Variants in DNAJC11 observed in about 807,000 individuals in gnomAD.
The protein encoded by DNAJC11 is dnaJ homolog subfamily C member 11.
In DNAJC11, 15 loss-of-function variants were observed where a neutral mutation model predicts 78.6. That is an observed-to-expected ratio of 0.19 (90% CI 0.13 to 0.29). The LOEUF (loss-of-function observed/expected upper bound fraction) is 0.29, where lower values mean the gene tolerates loss of function less well. Among genes scored for constraint, DNAJC11 ranks in the 10% least tolerant of loss-of-function variants. The pLI is 1.00. For missense variants in DNAJC11, 547 were observed against 709.6 expected, an observed-to-expected ratio of 0.77 and a Z score of 2.60; for synonymous variants, 292 against 272.1, an observed-to-expected ratio of 1.07 and a Z score of -0.72.
chr1:6,660,539 G>A (rs1260088811), intron 4 of DNAJC11, among the ~76,000 whole-genome samples: 1 of 152,106 alleles, frequency 6.6e-6, no homozygotes, highest in East Asian at 1.9e-4. Flanking sequence ...GGATTAGGTT[G>A]TCTGTTTTAT....
intron 7 of DNAJC11, chr1:6,651,215 G>A: frequency 1.7e-6 from 1 of 595,252 alleles, no homozygotes; most frequent in Non-Finnish European, 3.3e-6. Context: ...GTCTGTAAGT[G>A]TTTCGGTCCA....
At chr1:6,692,251 C>T (rs528639419) in intron 1 of DNAJC11, among the ~76,000 whole-genome samples, 93 of 152,240 alleles carry the variant, frequency 6.1e-4, no homozygotes, top group African/African-American at 2.0e-3. Context: ...GAAATGTAAC[C>T]TCACGTTTGC....
In DNAJC11 at chr1:6,653,215, T is replaced by C. The variant is rs144311159; in HGVS notation, c.508-264A>G. Among the ~76,000 whole-genome samples, 644 of 152,308 alleles carry C rather than the reference T, an allele frequency of 4.2e-3. 4 individuals are homozygous for C. Among genetic ancestry groups the C allele is most frequent in the African/African-American group, 0.015 (620 of 41,580 alleles). On this transcript the variant is annotated intron_variant, in intron 5 of 15. Coordinates refer to ENST00000377577, the MANE Select transcript of DNAJC11 (RefSeq NM_018198.4). The surrounding 1 kb of genome is among the most constrained non-coding windows in gnomAD (Gnocchi z 4.5). ...ACACCAGGGGAAACATGGGGCTGCA[T>C]GTCCCAATGGTATCAGATAGCACAG...
At chr1:6,642,020 C>T (rs1641885834) in intron 10 of DNAJC11, among the ~76,000 whole-genome samples, 1 of 152,094 alleles carries the variant, frequency 6.6e-6, no homozygotes. Flanking sequence ...GAGCAGACAG[C>T]AGATACTTAC....
rs2148733533 is a variant in DNAJC11, at chr1:6,652,817, A to T, written c.630+12T>A. ...GCACAGACAACACAACTCAGCCAAT[A>T]GACATTCTTACCTCTCCCCATCCCT... On this transcript the variant is annotated intron_variant, in intron 6 of 15. Coordinates refer to ENST00000377577, the MANE Select transcript of DNAJC11 (RefSeq NM_018198.4). 6.2e-7 allele frequency: 1 copy of T among 1,614,024 alleles called. No individual in the cohort carries two copies. Among genetic ancestry groups the T allele is most frequent in the East Asian group, 2.2e-5 (1 of 44,880 alleles).
intron 1 of DNAJC11, among the ~76,000 whole-genome samples, chr1:6,699,155 C>T (rs1183811039): frequency 6.6e-6 from 1 of 151,444 alleles, no homozygotes; most frequent in Non-Finnish European, 1.5e-5. Flanking sequence ...CAAAAATTAG[C>T]TGGGTATGGT....
intron 1 of DNAJC11, among the ~76,000 whole-genome samples, chr1:6,681,880 G>A (rs201578323): frequency 1.3e-5 from 2 of 152,190 alleles, no homozygotes; most frequent in Middle Eastern, 6.8e-3. Flanking sequence ...AGGCTATTTT[G>A]GCCTATCAGG....
At chr1:6,684,109 T>TTC (rs1642598152) in intron 1 of DNAJC11, among the ~76,000 whole-genome samples, 1 of 151,700 alleles carries the variant, frequency 6.6e-6, no homozygotes, top group South Asian at 2.1e-4. Context: ...GAGATGGAGT[T>TTC]TCACTCTGCC....
intron 3 of DNAJC11, among the ~76,000 whole-genome samples, chr1:6,674,543 G>A (rs1022215825): frequency 2.0e-5 from 3 of 152,156 alleles, no homozygotes; most frequent in Admixed American, 6.6e-5. Context: ...CTGGGCAACA[G>A]AGCAAGACTC....
chr1:6,662,141 T>G (rs112139443), intron 4 of DNAJC11, among the ~76,000 whole-genome samples: 159 of 145,222 alleles, frequency 1.1e-3, no homozygotes, highest in African/African-American at 3.8e-3. Flanking sequence ...TTTTGTTTTT[T>G]TTTTTTGTAG....
chr1:6,647,016 G>A (rs1641975949), intron 7 of DNAJC11, among the ~76,000 whole-genome samples: 1 of 151,334 alleles, frequency 6.6e-6, no homozygotes, highest in Non-Finnish European at 1.5e-5. Context: ...AATTAGCCAG[G>A]TGTAGCGGCA....
intron 1 of DNAJC11, among the ~76,000 whole-genome samples, chr1:6,698,037 G>A (rs561851924): frequency 2.6e-5 from 4 of 152,128 alleles, no homozygotes; most frequent in Admixed American, 2.0e-4. Context: ...TGATCCGCCC[G>A]TCTTGGCCTC....
chr1:6,634,492 C>A lies in DNAJC11; in HGVS notation c.*1183G>T. The A allele has an allele frequency of 7.5e-7, 1 of 1,337,604 alleles. No individual in the cohort carries two copies. Among genetic ancestry groups the A allele is most frequent in the Non-Finnish European group, 9.9e-7 (1 of 1,007,606 alleles). 82.9% of individuals were successfully genotyped at this position (1,337,604 alleles called of 1,614,324 possible). On this transcript the variant is annotated 3_prime_UTR_variant, in exon 16 of 16. Coordinates refer to ENST00000377577, the MANE Select transcript of DNAJC11 (RefSeq NM_018198.4). ...GCAACAGCTGTGGGTGGGCTGGAGG[C>A]CGGCGCAGCTTGGGGCCCCCCGCGC...
intron 7 of DNAJC11, among the ~76,000 whole-genome samples, chr1:6,646,531 A>AT (rs1366186301): frequency 2.0e-5 from 3 of 152,088 alleles, no homozygotes; most frequent in Non-Finnish European, 4.4e-5. Flanking sequence ...TGGAACCAGA[A>AT]TTTCTGGGTG....
At chr1:6,651,246 G>A in intron 7 of DNAJC11, 2 of 632,726 alleles carry the variant, frequency 3.2e-6, no homozygotes, top group Admixed American at 1.8e-5. Context: ...CTCCCTGAAG[G>A]CACTCTTTCT....
intron 1 of DNAJC11, among the ~76,000 whole-genome samples, chr1:6,699,743 TA>T (rs1470676652): frequency 6.6e-6 from 1 of 151,594 alleles, no homozygotes; most frequent in Non-Finnish European, 1.5e-5. Context: ...TCCTGGAACT[TA>T]AAGTATAATT....
At chr1:6,693,696 AT>A (rs1170767343) in intron 1 of DNAJC11, among the ~76,000 whole-genome samples, 1 of 151,636 alleles carries the variant, frequency 6.6e-6, no homozygotes, top group Non-Finnish European at 1.5e-5. Context: ...ATTTATTATT[AT>A]TTTTATAGAC....
chr1:6,692,921 T>C (rs920718020), intron 1 of DNAJC11, among the ~76,000 whole-genome samples: 34 of 151,250 alleles, frequency 2.2e-4, no homozygotes, highest in African/African-American at 7.8e-4. Context: ...TCTTTTTTTT[T>C]CTTTGACAGA....
chr1:6,647,233 C>G (rs1641980234), intron 7 of DNAJC11, among the ~76,000 whole-genome samples: 1 of 151,826 alleles, frequency 6.6e-6, no homozygotes, highest in Non-Finnish European at 1.5e-5. Context: ...AGGCGCCCAC[C>G]ACCATGTCCG....
Sources: gnomAD v4.1 joint callset for allele counts (sites outside exome capture counted in the v4.1 genomes callset) on GRCh38, gnomAD v4.1.1 for gene constraint, Gnocchi (gnomAD v3.1) non-coding constraint, MANE v1.5 for transcripts, NCBI Gene and HGNC (gene_info 2026-07-23, HGNC 2026-07-21) for gene names.